The following SHC4 variants were observed in gnomAD, a reference collection of about 807,000 sequenced individuals.
SHC4 encodes SHC-transforming protein 4.
A neutral mutation model predicts 69.4 loss-of-function variants in SHC4; 41 were observed. That is an observed-to-expected ratio of 0.59 (90% CI 0.46 to 0.77). The LOEUF (loss-of-function observed/expected upper bound fraction) is 0.77. Ranked by LOEUF, SHC4 falls within the 30% of genes least tolerant of loss-of-function variation. The probability of loss-of-function intolerance (pLI) is 0.00; values close to 1 mark genes in which losing one functional copy is unlikely to be tolerated. For synonymous variants in SHC4, 318 were observed against 299.3 expected (o/e 1.06, Z -0.64); for missense variants, 777 against 783.8 (o/e 0.99, Z 0.10).
chr15:48,929,399 G>T (rs1298820295), intron 1 of SHC4, among the ~76,000 whole-genome samples: 1 of 152,134 alleles, frequency 6.6e-6, no homozygotes. Flanking sequence ...GAAAAGAGAT[G>T]ACCTATCTTT....
chr15:48,950,638 T>C (rs1448983584), intron 1 of SHC4, among the ~76,000 whole-genome samples: 1 of 152,004 alleles, frequency 6.6e-6, no homozygotes, highest in Non-Finnish European at 1.5e-5. Flanking sequence ...TGGGAGTGTG[T>C]GAGAAATGTC....
intron 11 of SHC4, among the ~76,000 whole-genome samples, chr15:48,828,653 C>T (rs908273767): frequency 5.3e-5 from 8 of 152,220 alleles, no homozygotes; most frequent in South Asian, 2.1e-4. Flanking sequence ...CATATCCTTG[C>T]GAACACCTGT....
chr15:48,862,710 T>C (rs1424495565), intron 6 of SHC4, among the ~76,000 whole-genome samples: 1 of 152,208 alleles, frequency 6.6e-6, no homozygotes, highest in Non-Finnish European at 1.5e-5. Flanking sequence ...GGCCTGTTAA[T>C]TGCTGGGCGA....
intron 8 of SHC4, among the ~76,000 whole-genome samples, chr15:48,853,797 T>A (rs1899260678): frequency 6.6e-6 from 1 of 152,126 alleles, no homozygotes; most frequent in Non-Finnish European, 1.5e-5. Context: ...TGCAAAAGAA[T>A]GAAACTGGGC....
intron 6 of SHC4, among the ~76,000 whole-genome samples, chr15:48,862,028 C>A (rs1899454079): frequency 6.6e-6 from 1 of 152,070 alleles, no homozygotes; most frequent in Admixed American, 6.6e-5. Context: ...GCTATGGGAT[C>A]AAAGCAGGGA....
At chr15:48,914,170 G>T (rs1292867991) in intron 2 of SHC4, among the ~76,000 whole-genome samples, 1 of 152,232 alleles carries the variant, frequency 6.6e-6, no homozygotes, top group East Asian at 1.9e-4. Context: ...GCGACATTGT[G>T]CGTTTTAAAG....
At chr15:48,883,047 T>TTATTC (rs1899972528) in intron 4 of SHC4, among the ~76,000 whole-genome samples, 1 of 152,230 alleles carries the variant, frequency 6.6e-6, no homozygotes, top group Admixed American at 6.5e-5. Context: ...ACAGTGTATT[T>TTATTC]TATTCTGTTT....
intron 8 of SHC4, among the ~76,000 whole-genome samples, chr15:48,855,038 A>C (rs1354543128): frequency 6.6e-6 from 1 of 152,114 alleles, no homozygotes; most frequent in African/African-American, 2.4e-5. Context: ...GTGAGAGTGA[A>C]GGGTGGGAGG....
chr15:48,875,578 T>C (rs1341145800), intron 4 of SHC4, among the ~76,000 whole-genome samples: 1 of 152,212 alleles, frequency 6.6e-6, no homozygotes, highest in Non-Finnish European at 1.5e-5. Context: ...AAAGGAACAA[T>C]GCTTTTTTGT....
chr15:48,909,595 A>C (rs188944840), intron 2 of SHC4, among the ~76,000 whole-genome samples: 1 of 152,226 alleles, frequency 6.6e-6, no homozygotes, highest in East Asian at 1.9e-4. Flanking sequence ...TACTATGTTG[A>C]AGAGGAATGG....
intron 1 of SHC4, among the ~76,000 whole-genome samples, chr15:48,939,484 G>A (rs1374469071): frequency 6.6e-6 from 1 of 152,160 alleles, no homozygotes; most frequent in East Asian, 1.9e-4. Context: ...TATCAGCAGG[G>A]GCTACATTTC....
chr15:48,963,550 A>G lies in SHC4; in HGVS notation c.-535T>C, dbSNP rs1901583313. On this transcript the variant is annotated 5_prime_UTR_variant, in exon 1 of 12. Coordinates refer to ENST00000332408, the MANE Select transcript of SHC4 (RefSeq NM_203349.4). ...TCCAGTGATTGTTCATTTAAAAAGG[A>G]AAAAAAAATGTATCTATGAACCAAA... is the stretch of plus-strand genomic sequence containing the variant. 6.6e-6 allele frequency: 1 copy of G among 152,254 alleles called. No individual in the cohort carries two copies. Among genetic ancestry groups the G allele is most frequent in the Admixed American group, 6.6e-5 (1 of 15,240 alleles). 9.4% of individuals were successfully genotyped at this position (152,254 alleles called of 1,614,324 possible).
chr15:48,828,909 G>T (rs547613949), intron 11 of SHC4, among the ~76,000 whole-genome samples: 18 of 152,138 alleles, frequency 1.2e-4, no homozygotes, highest in Non-Finnish European at 2.1e-4. Flanking sequence ...ATATATTTTG[G>T]ATATTAACTC....
chr15:48,963,295 C>T lies in SHC4; in HGVS notation c.-280G>A, dbSNP rs1184669310. 2.7e-6 allele frequency: 1 copy of T among 374,360 alleles called. No individual in the cohort carries two copies. Among genetic ancestry groups the T allele is most frequent in the South Asian group, 7.8e-5 (1 of 12,812 alleles). 23.2% of individuals were successfully genotyped at this position (374,360 alleles called of 1,614,324 possible). On this transcript the variant is annotated 5_prime_UTR_variant, in exon 1 of 12. Coordinates refer to ENST00000332408, the MANE Select transcript of SHC4 (RefSeq NM_203349.4). ...CTTGTCGGGAGAGCCTAGACCCAGG[C>T]TCCCGGCGGCGCGGGTCGCTCACGG...
At chr15:48,856,250 G>T in intron 7 of SHC4, 126 bp from the exon 8 acceptor site, 1 of 849,468 alleles carries the variant, frequency 1.2e-6, no homozygotes, top group Non-Finnish European at 1.8e-6. Context: ...GTTTATAGCT[G>T]TGCTTAAGTG....
chr15:48,963,427 A>C lies in SHC4; in HGVS notation c.-412T>G. 1 of 190,114 alleles carries C rather than the reference A, an allele frequency of 5.3e-6. No homozygotes were observed. Among genetic ancestry groups the C allele is most frequent in the Non-Finnish European group, 1.1e-5 (1 of 92,162 alleles). The allele number at this position is 190,114 out of a possible 1,614,324, so 11.8% of individuals were successfully genotyped here. A position where few individuals can be genotyped will look rare whatever the true frequency, so the allele number is the denominator to read the frequency against. On this transcript the variant is annotated 5_prime_UTR_variant, in exon 1 of 12. Transcript: ENST00000332408. ...TATTTAGCACCCGACTCCCACCCTC[A>C]CCCCAGCCTTCTGTTCTGCACACAG...
chr15:48,888,015 G>A (rs1459841295), intron 3 of SHC4, among the ~76,000 whole-genome samples: 1 of 152,102 alleles, frequency 6.6e-6, no homozygotes, highest in Non-Finnish European at 1.5e-5. Flanking sequence ...CATTATTGGT[G>A]GGAATGTAAA....
intron 2 of SHC4, among the ~76,000 whole-genome samples, chr15:48,911,801 A>G (rs1447405774): frequency 6.6e-6 from 1 of 152,098 alleles, no homozygotes; most frequent in African/African-American, 2.4e-5. Flanking sequence ...GTAATGGTGA[A>G]TTCTCTCAGC....
At chr15:48,878,510 C>G (rs772790872) in intron 4 of SHC4, 2 of 1,613,940 alleles carry the variant, frequency 1.2e-6, no homozygotes, top group East Asian at 4.5e-5. Flanking sequence ...CTACGACTAT[C>G]CCGAAGAGGA....
Sources: gnomAD v4.1 joint callset for allele counts (sites outside exome capture counted in the v4.1 genomes callset) on GRCh38, gnomAD v4.1.1 for gene constraint, MANE v1.5 for transcripts, NCBI Gene and HGNC (gene_info 2026-07-23, HGNC 2026-07-21) for gene names.